The following FMN2 variants were observed in gnomAD, a reference collection of about 807,000 sequenced individuals.
FMN2 encodes the protein formin 2.
In FMN2, 51 loss-of-function variants were observed where a neutral mutation model predicts 142.3. That is an observed-to-expected ratio of 0.36 (90% CI 0.29 to 0.45). The LOEUF (loss-of-function observed/expected upper bound fraction) is 0.45, where lower values mean the gene tolerates loss of function less well. FMN2 is among the 20% of genes least tolerant of loss of function. The probability of loss-of-function intolerance (pLI) is 1.00; values close to 1 mark genes in which losing one functional copy is unlikely to be tolerated. For synonymous variants in FMN2, 882 were observed against 869.8 expected (o/e 1.01, Z -0.25); for missense variants, 1,936 against 2,122.8 (o/e 0.91, Z 1.73).
intron 7 of FMN2, among the ~76,000 whole-genome samples, chr1:240,290,593 A>C: frequency 6.6e-6 from 1 of 152,146 alleles, no homozygotes; most frequent in East Asian, 1.9e-4. Flanking sequence ...CATATGCTAT[A>C]AACGAAAGTT....
At chr1:240,125,635 T>C (rs10926135) in intron 2 of FMN2, among the ~76,000 whole-genome samples, 81,313 of 152,082 alleles carry the variant, frequency 0.53, 21,852 homozygotes, top group African/African-American at 0.55. Context: ...ATTTTCCTCC[T>C]TTAAAGCCCA....
intron 14 of FMN2, among the ~76,000 whole-genome samples, chr1:240,377,601 C>CTA (rs1673089134): frequency 6.6e-6 from 1 of 152,048 alleles, no homozygotes; most frequent in Admixed American, 6.5e-5. Context: ...TTTATGGCTT[C>CTA]TAGCTATCTT....
chr1:240,107,411 A>G (rs910001458), intron 1 of FMN2, among the ~76,000 whole-genome samples: 1 of 152,094 alleles, frequency 6.6e-6, no homozygotes. Context: ...TTTATTTAAA[A>G]CTCTTCAACC....
intron 7 of FMN2, among the ~76,000 whole-genome samples, chr1:240,289,835 T>C (rs1459795397): frequency 6.6e-6 from 1 of 152,232 alleles, no homozygotes; most frequent in African/African-American, 2.4e-5. Context: ...TTAAAATAAG[T>C]CCTTTCCCTT....
At chr1:240,141,256 A>G (rs563919180) in intron 2 of FMN2, among the ~76,000 whole-genome samples, 1 of 152,346 alleles carries the variant, frequency 6.6e-6, no homozygotes, top group Admixed American at 6.5e-5. Flanking sequence ...CTAGGGATTC[A>G]AAGATGGAAG....
chr1:240,456,862 T>C (rs141469152), intron 16 of FMN2, among the ~76,000 whole-genome samples: 2,514 of 152,340 alleles, frequency 0.017, 29 homozygotes, highest in Non-Finnish European at 0.029. Flanking sequence ...GGCCTTATTC[T>C]GCTCTCTCTA....
chr1:240,433,554 T>C (rs955387139), intron 15 of FMN2, among the ~76,000 whole-genome samples: 3 of 152,220 alleles, frequency 2.0e-5, no homozygotes, highest in African/African-American at 7.2e-5. Flanking sequence ...AAGGGAGTTT[T>C]CTCTTGGGTC....
chr1:240,243,297 T>C (rs928365840), intron 6 of FMN2, among the ~76,000 whole-genome samples: 10 of 152,174 alleles, frequency 6.6e-5, no homozygotes, highest in Admixed American at 5.2e-4. Flanking sequence ...CTGATTCTCA[T>C]TGGGTCAAAA....
At chr1:240,210,533 C>T (rs1370330094) in intron 5 of FMN2, among the ~76,000 whole-genome samples, 2 of 152,144 alleles carry the variant, frequency 1.3e-5, no homozygotes, top group East Asian at 3.8e-4. Context: ...GCCCCAAAGT[C>T]ATTTTCTCTA....
chr1:240,200,689 G>T (rs1431969815), intron 4 of FMN2, among the ~76,000 whole-genome samples: 1 of 152,108 alleles, frequency 6.6e-6, no homozygotes, highest in Non-Finnish European at 1.5e-5. Context: ...GGATTTTAGG[G>T]TGCAGGTAAG....
rs191357557 is a variant in FMN2 at position 240,305,211 on chromosome 1, T to C, written c.4215+10328T>C. ...TTTGAGATTTAGTCAGATTTTCCTC[T>C]ATTTTGGCACATTGGATAATTTTGT... is the stretch of plus-strand genomic sequence containing the variant. On this transcript the variant is annotated intron_variant, in intron 8 of 17. Coordinates refer to ENST00000319653, the MANE Select transcript of FMN2 (RefSeq NM_020066.5). Among the ~76,000 whole-genome samples the C allele has an allele frequency of 9.4e-4, 143 of 152,352 alleles. 1 individual carries two copies. Among genetic ancestry groups the C allele is most frequent in the African/African-American group, 3.2e-3 (131 of 41,582 alleles).
At chr1:240,137,672 T>C (rs1663001008) in intron 2 of FMN2, among the ~76,000 whole-genome samples, 2 of 152,150 alleles carry the variant, frequency 1.3e-5, no homozygotes, top group South Asian at 4.1e-4. Flanking sequence ...GGCTACTGGG[T>C]GAACAGACAC....
chr1:240,132,783 G>A (rs1662792281), intron 2 of FMN2, among the ~76,000 whole-genome samples: 1 of 152,092 alleles, frequency 6.6e-6, no homozygotes, highest in Admixed American at 6.6e-5. Flanking sequence ...TAGATTAGAG[G>A]GTCGCGGTAT....
chr1:240,128,168 T>C (rs1662588478), intron 2 of FMN2, among the ~76,000 whole-genome samples: 1 of 152,220 alleles, frequency 6.6e-6, no homozygotes, highest in Non-Finnish European at 1.5e-5. Flanking sequence ...ATTGTTGACT[T>C]GTAGATCATG....
chr1:240,120,080 G>C (rs1167644196), intron 1 of FMN2, among the ~76,000 whole-genome samples: 1 of 152,188 alleles, frequency 6.6e-6, no homozygotes, highest in Non-Finnish European at 1.5e-5. Flanking sequence ...CTAATGACCA[G>C]AAGAAATGGA....
chr1:240,152,502 C>T (rs974319604), intron 2 of FMN2, among the ~76,000 whole-genome samples: 5 of 152,010 alleles, frequency 3.3e-5, no homozygotes, highest in Admixed American at 6.6e-5. Flanking sequence ...CTTTTGTTTC[C>T]GTTTCCAAAT....
At chr1:240,361,500 C>T (rs1324264677) in intron 14 of FMN2, among the ~76,000 whole-genome samples, 2 of 152,034 alleles carry the variant, frequency 1.3e-5, no homozygotes, top group Non-Finnish European at 2.9e-5. Context: ...GAGAGAATAG[C>T]AGTGATGGTA....
intron 8 of FMN2, among the ~76,000 whole-genome samples, chr1:240,325,407 A>G (rs1171873077): frequency 6.6e-6 from 1 of 151,918 alleles, no homozygotes; most frequent in Non-Finnish European, 1.5e-5. Flanking sequence ...TCCAAAAGTA[A>G]CATAGGTTAA....
rs192137040 is a variant in FMN2 at position 240,187,202 on chromosome 1, G to A, written c.1931-1005G>A. Among the ~76,000 whole-genome samples the A allele has an allele frequency of 1.2e-3, 185 of 149,232 alleles. 2 individuals carry two copies. Among genetic ancestry groups the A allele is most frequent in the African/African-American group, 3.8e-3 (153 of 40,390 alleles). ...GGAGAATCGCTTGAACCCAGGAGGCGGAGGTTGCAGTGAGCCAAGATCGCG... is the reference window on the plus strand; with the variant it reads ...GGAGAATCGCTTGAACCCAGGAGGCAGAGGTTGCAGTGAGCCAAGATCGCG... On this transcript the variant is annotated intron_variant, in intron 3 of 17. Coordinates refer to ENST00000319653, the MANE Select transcript of FMN2 (RefSeq NM_020066.5).
Sources: allele counts gnomAD v4.1 joint callset (sites outside exome capture counted in the v4.1 genomes callset), GRCh38; gene constraint gnomAD v4.1.1; transcripts MANE v1.5; gene names NCBI Gene and HGNC (gene_info 2026-07-23, HGNC 2026-07-21).